Variants in CADPS2 observed in about 807,000 individuals in gnomAD.
The protein encoded by CADPS2 is calcium dependent secretion activator 2, also known as calcium-dependent secretion activator 2.
A neutral mutation model predicts 172.5 loss-of-function variants in CADPS2; 93 were observed. The observed-to-expected ratio is 0.54, with a 90% CI of 0.46 to 0.64. CADPS2 has a LOEUF of 0.64. Among genes scored for constraint, CADPS2 ranks in the 30% least tolerant of loss-of-function variants. The pLI is 0.00. For missense variants in CADPS2, 1,420 were observed against 1,565.9 expected (o/e 0.91, Z 1.57); for synonymous variants, 546 against 555.2 (o/e 0.98, Z 0.23).
At chr7:122,373,791 C>T (rs530565610) in intron 25 of CADPS2, among the ~76,000 whole-genome samples, 3 of 152,168 alleles carry the variant, frequency 2.0e-5, no homozygotes, top group Admixed American at 6.5e-5. Context: ...TTCTACCAAA[C>T]ATTTAAAGAA....
chr7:122,498,224 AG>A (rs2058910440), intron 9 of CADPS2, among the ~76,000 whole-genome samples: 1 of 152,204 alleles, frequency 6.6e-6, no homozygotes, highest in Admixed American at 6.5e-5. Context: ...CTGAGATTAC[AG>A]GTGTGAGCCA....
intron 24 of CADPS2, among the ~76,000 whole-genome samples, chr7:122,382,796 A>G (rs6942746): frequency 0.39 from 59,807 of 151,784 alleles, 12,482 homozygotes; most frequent in African/African-American, 0.55. Context: ...CAGCATGGGC[A>G]ACAGAAGGAG....
intron 1 of CADPS2, among the ~76,000 whole-genome samples, chr7:122,766,342 GGTTTCT>G (rs1172441667): frequency 6.6e-6 from 1 of 152,084 alleles, no homozygotes; most frequent in Non-Finnish European, 1.5e-5. Flanking sequence ...ATAGGTAGAA[GGTTTCT>G]GCATTATTTG....
intron 1 of CADPS2, among the ~76,000 whole-genome samples, chr7:122,790,159 G>T (rs1167105889): frequency 6.6e-6 from 1 of 151,362 alleles, no homozygotes; most frequent in Non-Finnish European, 1.5e-5. Context: ...CAATTTGGTA[G>T]GCCAAGGCAG....
chr7:122,775,711 T>C (rs563048435), intron 1 of CADPS2, among the ~76,000 whole-genome samples: 4 of 152,326 alleles, frequency 2.6e-5, no homozygotes, highest in Admixed American at 2.6e-4. Context: ...ACCATAAGCA[T>C]GGTTTTAATT....
chr7:122,676,657 G>A (rs897655317), intron 2 of CADPS2: 1 of 1,572,888 alleles, frequency 6.4e-7, no homozygotes, highest in Non-Finnish European at 8.7e-7. Flanking sequence ...GGAGAGACAG[G>A]AGAACCTGGA....
intron 8 of CADPS2, among the ~76,000 whole-genome samples, chr7:122,521,814 C>T (rs1586827547): frequency 6.7e-6 from 1 of 148,390 alleles, no homozygotes; most frequent in Admixed American, 6.6e-5. Context: ...TTAGGTATCA[C>T]ATTTTATAGA....
Position 122,663,225 on chromosome 7 carries a change from G to A in CADPS2, c.786+12C>T, listed in dbSNP as rs779756138. The A allele has an allele frequency of 6.3e-7, 1 of 1,579,828 alleles. No homozygotes were observed. The highest frequency in any genetic ancestry group is 2.2e-5 in the East Asian group (1 of 44,534). ...TCAGACAGGGGAAGGGAAAATATCA[G>A]AGACCACTTACCTGACATGCATTAT... On this transcript the variant is annotated intron_variant, in intron 3 of 29. Coordinates refer to ENST00000449022, the MANE Select transcript of CADPS2 (RefSeq NM_017954.11).
intron 2 of CADPS2, among the ~76,000 whole-genome samples, chr7:122,734,098 G>A (rs1320061527): frequency 6.6e-6 from 1 of 151,756 alleles, no homozygotes; most frequent in African/African-American, 2.4e-5. Context: ...TCTGCTTTTA[G>A]TCAGCTATGG....
intron 12 of CADPS2, among the ~76,000 whole-genome samples, chr7:122,477,053 AGAGAG>A (rs1271683673): frequency 0.012 from 295 of 24,258 alleles, 2 homozygotes; most frequent in Admixed American, 0.022. Flanking sequence ...GAGAGAGAGA[AGAGAG>A]AGAGAGAGAG....
chr7:122,684,651 C>G (rs1426398012), intron 2 of CADPS2, among the ~76,000 whole-genome samples: 1 of 151,114 alleles, frequency 6.6e-6, no homozygotes, highest in Non-Finnish European at 1.5e-5. Context: ...TGATAAAATA[C>G]CTCAAAAAAA....
intron 2 of CADPS2, among the ~76,000 whole-genome samples, chr7:122,694,451 A>T (rs189731167): frequency 1.3e-5 from 2 of 152,360 alleles, no homozygotes; most frequent in East Asian, 3.9e-4. Flanking sequence ...CACCCTGGTC[A>T]TCAACAGTGA....
intron 1 of CADPS2, among the ~76,000 whole-genome samples, chr7:122,808,507 A>C (rs1013360448): frequency 6.6e-6 from 1 of 152,220 alleles, no homozygotes; most frequent in Non-Finnish European, 1.5e-5. Context: ...ATAAAACATA[A>C]ACCACTTGCT....
At chr7:122,645,184 A>G (rs2078168580) in intron 3 of CADPS2, among the ~76,000 whole-genome samples, 3 of 148,706 alleles carry the variant, frequency 2.0e-5, no homozygotes. Flanking sequence ...TATATTAAGT[A>G]TATATATACA....
At chr7:122,344,098 A>C (rs2037201759) in intron 28 of CADPS2, among the ~76,000 whole-genome samples, 1 of 152,226 alleles carries the variant, frequency 6.6e-6, no homozygotes, top group Non-Finnish European at 1.5e-5. Flanking sequence ...GACAGTGAAC[A>C]CTGACACGAG....
At chr7:122,653,656 G>A (rs999067837) in intron 3 of CADPS2, among the ~76,000 whole-genome samples, 8 of 151,974 alleles carry the variant, frequency 5.3e-5, no homozygotes, top group African/African-American at 1.9e-4. Context: ...AAGTCTATAG[G>A]TGCTATTTTT....
chr7:122,656,419 G>C (rs1364568950), intron 3 of CADPS2, among the ~76,000 whole-genome samples: 1 of 152,030 alleles, frequency 6.6e-6, no homozygotes, highest in Non-Finnish European at 1.5e-5. Flanking sequence ...CTCACGTACT[G>C]AAAAGCAAAA....
intron 1 of CADPS2, among the ~76,000 whole-genome samples, chr7:122,749,391 A>AGCAGGACAG (rs2092853333): frequency 6.6e-6 from 1 of 152,146 alleles, no homozygotes. Flanking sequence ...ATAGGCAACT[A>AGCAGGACAG]GCACTGCTGC....
At chr7:122,379,480 G>C in intron 24 of CADPS2, 38 bp from the exon 25 acceptor site, 7 of 1,356,914 alleles carry the variant, frequency 5.2e-6, no homozygotes, top group South Asian at 1.2e-5. Flanking sequence ...AGTTGACATG[G>C]ACACAAAACT....
Sources: gnomAD v4.1 joint callset for allele counts (sites outside exome capture counted in the v4.1 genomes callset) on GRCh38, gnomAD v4.1.1 for gene constraint, MANE v1.5 for transcripts, NCBI Gene and HGNC (gene_info 2026-07-23, HGNC 2026-07-21) for gene names.